SLCO1A2: variants seen among roughly 807,000 people sequenced by gnomAD.
SLCO1A2 encodes solute carrier organic anion transporter family member 1A2, also known as OATP-1.
Under a neutral mutation model 69.0 loss-of-function variants are expected in SLCO1A2, and 67 were observed. The ratio of observed to expected loss-of-function variants is 0.97; its 90% CI spans 0.80 to 1.19. The LOEUF is 1.19. Among genes scored for constraint, SLCO1A2 ranks in the 50% most tolerant of loss-of-function variants. The pLI, the probability that SLCO1A2 is intolerant of heterozygous loss-of-function variation, is 0.00. For synonymous variants in SLCO1A2, 260 were observed against 265.9 expected, an observed-to-expected ratio of 0.98 and a Z score of 0.22; for missense variants, 787 against 793.7, an observed-to-expected ratio of 0.99 and a Z score of 0.10.
intron 2 of SLCO1A2, among the ~76,000 whole-genome samples, chr12:21,364,030 C>T (rs964377127): frequency 1.3e-5 from 2 of 152,178 alleles, no homozygotes; most frequent in Middle Eastern, 3.2e-3. Context: ...AGAGGGAATC[C>T]TCCCTCAGTC....
intron 2 of SLCO1A2, among the ~76,000 whole-genome samples, chr12:21,350,759 C>T (rs1477691101): frequency 1.4e-5 from 2 of 143,950 alleles, no homozygotes; most frequent in Middle Eastern, 3.7e-3. Flanking sequence ...ATCACTTGAA[C>T]CCAGGAGGCA....
At chr12:21,274,245 T>TGCTTATACA in intron 14 of SLCO1A2, 1 of 427,258 alleles carries the variant, frequency 2.3e-6, no homozygotes, top group Non-Finnish European at 4.2e-6. Context: ...AAGCCAAGGT[T>TGCTTATACA]AGGGAAGCCA....
chr12:21,288,655 T>G (rs1565473286), intron 12 of SLCO1A2, among the ~76,000 whole-genome samples: 1 of 152,074 alleles, frequency 6.6e-6, no homozygotes, highest in Non-Finnish European at 1.5e-5. Flanking sequence ...TTAAAATAAC[T>G]AAAAGAGTAT....
intron 1 of SLCO1A2, among the ~76,000 whole-genome samples, chr12:21,376,171 C>T (rs987044739): frequency 6.6e-6 from 1 of 152,000 alleles, no homozygotes; most frequent in African/African-American, 2.4e-5. Context: ...TATTATTGAC[C>T]TTCCAACCAA....
intron 2 of SLCO1A2, among the ~76,000 whole-genome samples, chr12:21,323,287 T>C (rs1336939434): frequency 8.5e-5 from 13 of 152,228 alleles, no homozygotes; most frequent in Admixed American, 7.2e-4. Context: ...CCAGGCACCG[T>C]GGCTCACATC....
intron 2 of SLCO1A2, among the ~76,000 whole-genome samples, chr12:21,361,939 G>A (rs140648335): frequency 0.09 from 13,738 of 152,118 alleles, 676 homozygotes; most frequent in Middle Eastern, 0.16. Context: ...TGAAAATGAC[G>A]GGGAGAATGG....
At chr12:21,272,315 A>G (rs1745399877) in intron 14 of SLCO1A2, among the ~76,000 whole-genome samples, 1 of 151,892 alleles carries the variant, frequency 6.6e-6, no homozygotes. Context: ...GTACAATTTG[A>G]AGTTGAAATA....
intron 12 of SLCO1A2, among the ~76,000 whole-genome samples, chr12:21,279,647 C>G (rs1021785907): frequency 2.6e-5 from 4 of 152,214 alleles, no homozygotes; most frequent in South Asian, 2.1e-4. Flanking sequence ...CCCAGACAAG[C>G]AAACACTGAG....
intron 1 of SLCO1A2, among the ~76,000 whole-genome samples, chr12:21,394,699 G>GA (rs1941345968): frequency 1.3e-5 from 2 of 152,102 alleles, no homozygotes; most frequent in East Asian, 1.9e-4. Flanking sequence ...GCACAGAGAA[G>GA]AAAAAGTGCT....
rs192216368 is a variant in SLCO1A2, at chr12:21,361,052, C to T, written c.-63+13347G>A. On this transcript the variant is annotated intron_variant, in intron 2 of 15. Coordinates refer to the SLCO1A2 transcript ENST00000307378. ...GAAGAGAGTTGTGGTTCTCCCAGCA[C>T]GGAGTTTGAGATCTGAGAAAGGAAA... Among the ~76,000 whole-genome samples, 197 of 152,282 alleles carry T rather than the reference C, an allele frequency of 1.3e-3. 1 individual carries two copies. Among genetic ancestry groups the T allele is most frequent in the South Asian group, 6.4e-3 (31 of 4,826 alleles).
intron 1 of SLCO1A2, among the ~76,000 whole-genome samples, chr12:21,394,239 CA>C (rs1356398586): frequency 6.6e-6 from 1 of 152,098 alleles, no homozygotes; most frequent in Non-Finnish European, 1.5e-5. Flanking sequence ...AGTGGCTCAG[CA>C]ACAATATGAA....
rs1942046690 is a variant in SLCO1A2 at position 21,266,193 on chromosome 12, T to C, written c.*3355A>G. ...ATTCTGGTTACATAACATTTCAAGC[T>C]TTTGGTTACAAAACATTTCGAGCTT... On this transcript the variant is annotated 3_prime_UTR_variant, in exon 15 of 15. Coordinates refer to ENST00000683939, the MANE Select transcript of SLCO1A2 (RefSeq NM_001386879.1). The C allele has an allele frequency of 6.6e-6, 1 of 152,192 alleles. No individual in the cohort carries two copies. 9.4% of individuals were successfully genotyped at this position (152,192 alleles called of 1,614,324 possible). A position where few individuals can be genotyped will look rare whatever the true frequency, so the allele number is the denominator to read the frequency against.
chr12:21,299,540 G>A (rs569014445), intron 8 of SLCO1A2, among the ~76,000 whole-genome samples: 5 of 150,260 alleles, frequency 3.3e-5, no homozygotes, highest in Admixed American at 6.6e-5. Context: ...ACCAAGTATA[G>A]AGAGGTGGGT....
At chr12:21,296,134 T>C (rs11045945) in intron 9 of SLCO1A2, among the ~76,000 whole-genome samples, 4,991 of 152,310 alleles carry the variant, frequency 0.033, 127 homozygotes, top group Non-Finnish European at 0.046. Flanking sequence ...GCCAGTAATT[T>C]ATTCATTTAT....
intron 1 of SLCO1A2, among the ~76,000 whole-genome samples, chr12:21,376,520 T>A (rs1940204081): frequency 6.6e-6 from 1 of 152,258 alleles, no homozygotes; most frequent in South Asian, 2.1e-4. Flanking sequence ...ATAGGTTAAA[T>A]AATTAGATCC....
intron 12 of SLCO1A2, among the ~76,000 whole-genome samples, chr12:21,277,086 C>T (rs1184650749): frequency 2.0e-5 from 3 of 152,164 alleles, no homozygotes; most frequent in African/African-American, 7.2e-5. Flanking sequence ...GCTTGTGCCA[C>T]CCTTCACCCA....
At chr12:21,391,334 T>G (rs574826545) in intron 1 of SLCO1A2, among the ~76,000 whole-genome samples, 1 of 152,274 alleles carries the variant, frequency 6.6e-6, no homozygotes, top group South Asian at 2.1e-4. Context: ...GTGGAGCTGA[T>G]GACATGCCTC....
intron 2 of SLCO1A2, among the ~76,000 whole-genome samples, chr12:21,322,533 G>T (rs1449789243): frequency 6.6e-6 from 1 of 152,184 alleles, no homozygotes; most frequent in Non-Finnish European, 1.5e-5. Flanking sequence ...ATTGGCAATT[G>T]GTTGGAAGAG....
At chr12:21,358,061 C>A (rs1938515157) in intron 2 of SLCO1A2, among the ~76,000 whole-genome samples, 1 of 152,046 alleles carries the variant, frequency 6.6e-6, no homozygotes, top group East Asian at 1.9e-4. Context: ...AAACTTTACT[C>A]ACATGTTTTG....
Sources: gnomAD v4.1 joint callset for allele counts (sites outside exome capture counted in the v4.1 genomes callset) on GRCh38, gnomAD v4.1.1 for gene constraint, MANE v1.5 for transcripts, NCBI Gene and HGNC (gene_info 2026-07-23, HGNC 2026-07-21) for gene names.